Variants in ZNF804A observed in about 807,000 individuals in gnomAD.
ZNF804A encodes the protein zinc finger protein 804A.
Under a neutral mutation model 16.5 loss-of-function variants are expected in ZNF804A, and 2 were observed. That is an observed-to-expected ratio of 0.12 (90% CI 0.05 to 0.38). The LOEUF (loss-of-function observed/expected upper bound fraction) is 0.38. ZNF804A is among the 10% of genes least tolerant of loss of function. The pLI is 0.99. For missense variants in ZNF804A, 1,473 were observed against 1,390.7 expected, an observed-to-expected ratio of 1.06 and a Z score of -0.94; for synonymous variants, 534 against 489.6, an observed-to-expected ratio of 1.09 and a Z score of -1.20.
chr2:184,719,830 C>A (rs1426432883), intron 1 of ZNF804A, among the ~76,000 whole-genome samples: 1 of 152,222 alleles, frequency 6.6e-6, no homozygotes, highest in Non-Finnish European at 1.5e-5. Context: ...ATTTTCCTGT[C>A]TTCTTCTGAG....
At position 184,601,318 on chromosome 2, in the gene ZNF804A, G is replaced by A. The variant is rs533705902; in HGVS notation, c.111+2248G>A. ...ATGAATGATTTCAATTTTAAAAAGA[G>A]CTGTCTATACTCACCCCAAAGTGAT... On this transcript the variant is annotated intron_variant, in intron 1 of 3. Transcript: ENST00000302277. Among the ~76,000 whole-genome samples, 10 of 152,028 alleles carry A rather than the reference G, an allele frequency of 6.6e-5. No individual in the cohort carries two copies. The East Asian group carries it at 1.9e-3, about 29-fold the overall frequency.
intron 1 of ZNF804A, among the ~76,000 whole-genome samples, chr2:184,840,175 G>A (rs1695414532): frequency 6.6e-6 from 1 of 152,158 alleles, no homozygotes; most frequent in Non-Finnish European, 1.5e-5. Context: ...GATCACCTGA[G>A]GTCAGGAGTT....
At chr2:184,868,083 A>G (rs1695902791) in intron 2 of ZNF804A, among the ~76,000 whole-genome samples, 1 of 152,056 alleles carries the variant, frequency 6.6e-6, no homozygotes, top group Non-Finnish European at 1.5e-5. Context: ...GAGAAGTTAA[A>G]GGGAATTTGG....
Position 184,937,009 on chromosome 2 carries a change from C to T in ZNF804A, c.1613C>T (p.Ser538Phe). ...GATATTCTCTCCAGTAGTTGTGATT[C>T]TGGAAAAAATGAGAACACAGGTCAG... ...ADDILSSSCD[S>F]GKNENTGQRY... The change falls in exon 4 of 4, where the codon TCT becomes TTT. Residue 538 changes from serine (S) to phenylalanine (F), a missense_variant. By Grantham distance (155) the Ser-to-Phe change is radical. Transcript: ENST00000302277. 1 of 1,612,924 alleles carries T rather than the reference C, an allele frequency of 6.2e-7. No individual in the cohort carries two copies. The highest frequency in any genetic ancestry group is 1.3e-5 in the African/African-American group (1 of 74,894).
intron 1 of ZNF804A, among the ~76,000 whole-genome samples, chr2:184,635,384 T>A (rs1156560991): frequency 6.6e-6 from 1 of 152,142 alleles, no homozygotes; most frequent in East Asian, 1.9e-4. Context: ...TATTTAGAAG[T>A]CATTAAGCAC....
chr2:184,887,997 C>T (rs77096318), intron 2 of ZNF804A, among the ~76,000 whole-genome samples: 3,065 of 152,136 alleles, frequency 0.02, 69 homozygotes, highest in African/African-American at 0.062. Context: ...AGTACGGTAA[C>T]GGTTGAAGAA....
chr2:184,735,371 T>A (rs1426871852), intron 1 of ZNF804A, among the ~76,000 whole-genome samples: 1 of 152,116 alleles, frequency 6.6e-6, no homozygotes, highest in Admixed American at 6.5e-5. Flanking sequence ...ATTTTCTCAC[T>A]CATAAGTGGG....
chr2:184,755,045 C>T (rs966257899), intron 1 of ZNF804A, among the ~76,000 whole-genome samples: 4 of 151,888 alleles, frequency 2.6e-5, no homozygotes, highest in African/African-American at 9.6e-5. Flanking sequence ...TTTATAATTT[C>T]GGATGAGATT....
chr2:184,737,861 C>T (rs1283407087), intron 1 of ZNF804A, among the ~76,000 whole-genome samples: 3 of 152,186 alleles, frequency 2.0e-5, no homozygotes, highest in East Asian at 1.9e-4. Flanking sequence ...CAGTGGCTTA[C>T]GCTTATAATC....
At chr2:184,741,673 A>G (rs1693710759) in intron 1 of ZNF804A, among the ~76,000 whole-genome samples, 1 of 152,158 alleles carries the variant, frequency 6.6e-6, no homozygotes, top group Non-Finnish European at 1.5e-5. Flanking sequence ...TACTATAGCT[A>G]CACTGCTGAA....
At chr2:184,785,030 C>T (rs374673002) in intron 1 of ZNF804A, among the ~76,000 whole-genome samples, 2 of 151,852 alleles carry the variant, frequency 1.3e-5, no homozygotes, top group African/African-American at 4.8e-5. Flanking sequence ...ATGCATGATA[C>T]GTATGTAAAA....
chr2:184,872,581 G>A (rs910618513), intron 2 of ZNF804A, among the ~76,000 whole-genome samples: 6 of 152,024 alleles, frequency 3.9e-5, no homozygotes, highest in Non-Finnish European at 7.4e-5. Context: ...CTTTGAATTA[G>A]GAAAGTTAGA....
chr2:184,767,221 G>A (rs1694142082), intron 1 of ZNF804A, among the ~76,000 whole-genome samples: 4 of 152,268 alleles, frequency 2.6e-5, no homozygotes, highest in Admixed American at 6.5e-5. Context: ...TGGATGAGCA[G>A]ATAGACATAA....
At chr2:184,777,974 T>C (rs543527931) in intron 1 of ZNF804A, among the ~76,000 whole-genome samples, 20 of 151,822 alleles carry the variant, frequency 1.3e-4, no homozygotes, top group South Asian at 4.1e-4. Flanking sequence ...TAATAATTCA[T>C]TTACAAAATG....
At chr2:184,920,911 T>G (rs1210272593) in intron 2 of ZNF804A, among the ~76,000 whole-genome samples, 1 of 152,212 alleles carries the variant, frequency 6.6e-6, no homozygotes, top group Non-Finnish European at 1.5e-5. Flanking sequence ...GCCAACTTCT[T>G]GATTGATGAA....
At chr2:184,788,247 T>C (rs1052182528) in intron 1 of ZNF804A, among the ~76,000 whole-genome samples, 1 of 152,078 alleles carries the variant, frequency 6.6e-6, no homozygotes, top group Admixed American at 6.6e-5. Context: ...TATAGCCTTA[T>C]AGTATAATTT....
In ZNF804A at chr2:184,742,815, T is replaced by TAA. The variant is rs1478099434; in HGVS notation, c.112-123553_112-123552dup. Among the ~76,000 whole-genome samples the TAA allele has an allele frequency of 2.7e-5, 4 of 149,344 alleles. No individual in the cohort carries two copies. The East Asian group carries it at 7.7e-4, about 29-fold the overall frequency. On this transcript the variant is annotated intron_variant, in intron 1 of 3. Transcript: ENST00000302277. ...ATAACTATATGTGTGTGTATATATA[T>TAA]AACTATATTATATAGCTTCCAACTT...
At chr2:184,763,939 C>T (rs2105764803) in intron 1 of ZNF804A, among the ~76,000 whole-genome samples, 1 of 151,986 alleles carries the variant, frequency 6.6e-6, no homozygotes, top group East Asian at 1.9e-4. Context: ...ACTGCGCTGG[C>T]CCAAAATGCT....
intron 1 of ZNF804A, among the ~76,000 whole-genome samples, chr2:184,792,613 T>C (rs967889893): frequency 2.0e-5 from 3 of 152,182 alleles, no homozygotes; most frequent in African/African-American, 7.2e-5. Flanking sequence ...TCCTAGTCTA[T>C]GGTTTAACCT....
Sources: allele counts gnomAD v4.1 joint callset (sites outside exome capture counted in the v4.1 genomes callset), GRCh38; gene constraint gnomAD v4.1.1; transcripts MANE v1.5; gene names NCBI Gene and HGNC (gene_info 2026-07-23, HGNC 2026-07-21).